The following TSPAN5 variants were observed in gnomAD, a reference collection of about 807,000 sequenced individuals.
The protein encoded by TSPAN5 is tetraspanin-5.
TSPAN5 carries 10 observed loss-of-function variants against 37.1 expected under a neutral mutation model. That is an observed-to-expected ratio of 0.27 (90% confidence interval 0.17 to 0.46). The LOEUF (loss-of-function observed/expected upper bound fraction) is 0.46. TSPAN5 is among the 20% of genes least tolerant of loss of function. TSPAN5 has a pLI of 1.00. For missense variants in TSPAN5, 195 were observed against 326.6 expected (o/e 0.60, Z 3.11); for synonymous variants, 110 against 118.9 (o/e 0.93, Z 0.48).
intron 1 of TSPAN5, among the ~76,000 whole-genome samples, chr4:98,579,208 C>T (rs1159090310): frequency 1.3e-5 from 2 of 152,156 alleles, no homozygotes; most frequent in African/African-American, 2.4e-5. Flanking sequence ...CTGGCCGTCA[C>T]GTTCTCAGCT....
At chr4:98,504,352 T>G (rs1234151873) in intron 2 of TSPAN5, among the ~76,000 whole-genome samples, 2 of 152,286 alleles carry the variant, frequency 1.3e-5, no homozygotes, top group South Asian at 2.1e-4. Context: ...CTTGAAAACT[T>G]ACTCCAGCAG....
chr4:98,653,767 T>C (rs1757241571), intron 1 of TSPAN5, among the ~76,000 whole-genome samples: 1 of 151,892 alleles, frequency 6.6e-6, no homozygotes, highest in African/African-American at 2.4e-5. Context: ...ACACCATTAA[T>C]GTTATCTTTC....
In TSPAN5 at chr4:98,604,561, C is replaced by T. The variant is rs146599067; in HGVS notation, c.81+53585G>A. ...CAAAGACTATGAAGTAATGTCTTTA[C>T]CATTATCTAGGCAGTAGTGGGATTT... On this transcript the variant is annotated intron_variant, in intron 1 of 7. Coordinates refer to ENST00000305798, the MANE Select transcript of TSPAN5 (RefSeq NM_005723.4). Among the ~76,000 whole-genome samples the T allele has an allele frequency of 2.1e-3, 320 of 152,308 alleles. 2 individuals carry two copies. Among genetic ancestry groups the T allele is most frequent in the Middle Eastern group, 0.01 (3 of 294 alleles).
chr4:98,540,390 T>A (rs1578978341), intron 1 of TSPAN5, among the ~76,000 whole-genome samples: 1 of 151,848 alleles, frequency 6.6e-6, no homozygotes, highest in Admixed American at 6.6e-5. Context: ...CAGGCTGGAG[T>A]GCAGTGGCGC....
chr4:98,551,142 G>A (rs1012988541), intron 1 of TSPAN5, among the ~76,000 whole-genome samples: 1 of 124,784 alleles, frequency 8.0e-6, no homozygotes, highest in Non-Finnish European at 1.6e-5. Context: ...ACGATCATAT[G>A]TTTTTGTCCT....
chr4:98,572,153 G>A (rs1051168793), intron 1 of TSPAN5, among the ~76,000 whole-genome samples: 2 of 151,900 alleles, frequency 1.3e-5, no homozygotes, highest in African/African-American at 2.4e-5. Flanking sequence ...TAGTAGAGAC[G>A]GGGTTTCGCC....
At chr4:98,610,294 G>C (rs182987460) in intron 1 of TSPAN5, among the ~76,000 whole-genome samples, 5 of 152,288 alleles carry the variant, frequency 3.3e-5, no homozygotes, top group Admixed American at 2.0e-4. Context: ...CCCCTCATGA[G>C]GGGGAGCCCT....
chr4:98,649,445 T>A (rs1170250007), intron 1 of TSPAN5, among the ~76,000 whole-genome samples: 2 of 152,188 alleles, frequency 1.3e-5, no homozygotes, highest in Non-Finnish European at 1.5e-5. Context: ...CTTAGGGGGA[T>A]GGTTTAATAG....
intron 1 of TSPAN5, among the ~76,000 whole-genome samples, chr4:98,589,543 G>T (rs972521814): frequency 6.6e-6 from 1 of 152,106 alleles, no homozygotes; most frequent in African/African-American, 2.4e-5. Context: ...GGGCATGAGG[G>T]GCACCTTTCT....
At chr4:98,579,575 C>T (rs1039196385) in intron 1 of TSPAN5, among the ~76,000 whole-genome samples, 8 of 152,194 alleles carry the variant, frequency 5.3e-5, no homozygotes, top group African/African-American at 1.7e-4. Flanking sequence ...TTTGAAATAA[C>T]ATTGTTATTA....
intron 1 of TSPAN5, among the ~76,000 whole-genome samples, chr4:98,632,880 T>A (rs1044702892): frequency 6.6e-6 from 1 of 152,170 alleles, no homozygotes; most frequent in Non-Finnish European, 1.5e-5. Context: ...GAGGATTTGA[T>A]GCTGCACCAA....
At chr4:98,653,852 A>G (rs1054997424) in intron 1 of TSPAN5, among the ~76,000 whole-genome samples, 5 of 152,198 alleles carry the variant, frequency 3.3e-5, no homozygotes, top group Admixed American at 3.3e-4. Flanking sequence ...CACAACCTAC[A>G]TGACTTTCTG....
chr4:98,575,094 C>G (rs544852580), intron 1 of TSPAN5, among the ~76,000 whole-genome samples: 17 of 152,148 alleles, frequency 1.1e-4, no homozygotes, highest in Non-Finnish European at 1.8e-4. Flanking sequence ...TGTGAATCCC[C>G]TCTGCAAGGA....
In TSPAN5 at chr4:98,594,049, T is replaced by C. The variant is rs1409225310; in HGVS notation, c.81+64097A>G. Among the ~76,000 whole-genome samples the C allele has an allele frequency of 4.0e-5, 3 of 75,320 alleles. 1 individual carries two copies. Among genetic ancestry groups the C allele is most frequent in the African/African-American group, 1.8e-4 (2 of 11,306 alleles). The allele number at this position is 75,320 out of a possible 152,430, so 49.4% of individuals were successfully genotyped here. On this transcript the variant is annotated intron_variant, in intron 1 of 7. Transcript: ENST00000305798. ...TTGGGCAGTATGGCCATTTTCACAATATTGATTCTTCCTACCCATGAGCAT... is the reference window on the plus strand; with the variant it reads ...TTGGGCAGTATGGCCATTTTCACAACATTGATTCTTCCTACCCATGAGCAT...
At chr4:98,618,598 C>T (rs1440750333) in intron 1 of TSPAN5, among the ~76,000 whole-genome samples, 3 of 152,022 alleles carry the variant, frequency 2.0e-5, no homozygotes, top group African/African-American at 7.3e-5. Context: ...GCAAAGGAGG[C>T]ATATGAAGGA....
chr4:98,629,798 C>T (rs1756700880), intron 1 of TSPAN5, among the ~76,000 whole-genome samples: 1 of 152,100 alleles, frequency 6.6e-6, no homozygotes, highest in Non-Finnish European at 1.5e-5. Context: ...TTGCTATTCA[C>T]AAAGGTACAG....
chr4:98,474,068 T>G (rs1047676702), intron 7 of TSPAN5, among the ~76,000 whole-genome samples: 2 of 152,262 alleles, frequency 1.3e-5, no homozygotes, highest in African/African-American at 4.8e-5. Context: ...TATTTACATT[T>G]GTTTCATTGC....
At position 98,532,597 on chromosome 4, in the gene TSPAN5, C is replaced by T. The variant is rs567129952; in HGVS notation, c.82-24869G>A. Among the ~76,000 whole-genome samples the T allele has an allele frequency of 3.6e-4, 43 of 119,738 alleles. No homozygotes were observed. In the South Asian group the frequency reaches 0.013, roughly 35 times the overall value. 78.6% of individuals were successfully genotyped at this position (119,738 alleles called of 152,430 possible). On this transcript the variant is annotated intron_variant, in intron 1 of 7. Coordinates refer to ENST00000305798, the MANE Select transcript of TSPAN5 (RefSeq NM_005723.4). ...AACTTAAGGAGATTTTGGGCTGAGA[C>T]GATGGGGTTTTCTAAATATCTGTCA... is the stretch of plus-strand genomic sequence containing the variant.
At chr4:98,584,097 C>T (rs930057303) in intron 1 of TSPAN5, among the ~76,000 whole-genome samples, 2 of 152,240 alleles carry the variant, frequency 1.3e-5, no homozygotes, top group Middle Eastern at 3.4e-3. Flanking sequence ...GAGATTTTTA[C>T]GGAGAGCTTC....
Sources: gnomAD v4.1 joint callset for allele counts (sites outside exome capture counted in the v4.1 genomes callset) on GRCh38, gnomAD v4.1.1 for gene constraint, MANE v1.5 for transcripts, NCBI Gene and HGNC (gene_info 2026-07-23, HGNC 2026-07-21) for gene names.